The following DHRS7C variants were observed in gnomAD, a reference collection of about 807,000 sequenced individuals.
DHRS7C encodes the protein dehydrogenase/reductase SDR family member 7C.
Under a neutral mutation model 29.6 loss-of-function variants are expected in DHRS7C, and 28 were observed. The observed-to-expected ratio is 0.95, with a 90% CI of 0.70 to 1.30. DHRS7C has a LOEUF of 1.30. Ranked by LOEUF, DHRS7C falls within the 50% of genes most tolerant of loss-of-function variation. DHRS7C has a pLI of 0.00. For synonymous variants in DHRS7C, 158 were observed against 160.2 expected (o/e 0.99, Z 0.10); for missense variants, 403 against 393.3 (o/e 1.02, Z -0.21).
chr17:9,780,657 T>C (rs1439532551), intron 2 of DHRS7C, among the ~76,000 whole-genome samples: 2 of 152,120 alleles, frequency 1.3e-5, no homozygotes, highest in African/African-American at 4.8e-5. Flanking sequence ...CAAAGACTAG[T>C]CCTGAGATAT....
rs1382123943 is a variant in DHRS7C at position 9,777,297 on chromosome 17, A to G, written c.479-12T>C. ...GTTGGGAAGCAGGGCTGGAAAACAC[A>G]GGACGATGCATCATGGTTAAAACTT... On this transcript the variant is annotated splice_polypyrimidine_tract_variant and intron_variant, in intron 3 of 5. Coordinates refer to ENST00000571134, the MANE Select transcript of DHRS7C (RefSeq NM_001105571.3). The G allele has an allele frequency of 1.2e-6, 2 of 1,609,966 alleles. No individual in the cohort carries two copies. The highest frequency in any genetic ancestry group is 8.5e-7 in the Non-Finnish European group (1 of 1,177,400).
chr17:9,789,864 G>A (rs895591683), intron 1 of DHRS7C, among the ~76,000 whole-genome samples: 4 of 152,292 alleles, frequency 2.6e-5, no homozygotes, highest in Non-Finnish European at 4.4e-5. Flanking sequence ...GCCCTGGCTT[G>A]CCCTTGAAGA....
At chr17:9,782,996 C>G (rs1316289403) in intron 1 of DHRS7C, 3 of 152,288 alleles carry the variant, frequency 2.0e-5, no homozygotes, top group Admixed American at 1.3e-4. Flanking sequence ...AAGTGGGCAT[C>G]ATGGACAGGG....
Position 9,771,634 on chromosome 17 carries a change from T to A in DHRS7C, c.790A>T (p.Thr264Ser). ...ACCTCTTGCTTCTTCCTCCGCACGG[T>A]GCGCATCACCTCCTCCGCCACCTCT... ...PVEVAEEVMR[T>S]VRRKKQEVFM... The change falls in exon 6 of 6, where the codon ACC (threonine) becomes TCC (serine). Residue 264 changes from threonine to serine, a missense_variant. Transcript: ENST00000571134. The A allele has an allele frequency of 6.9e-6, 11 of 1,595,020 alleles. No individual in the cohort carries two copies. Among genetic ancestry groups the A allele is most frequent in the Non-Finnish European group, 9.4e-6 (11 of 1,169,276 alleles).
intron 1 of DHRS7C, among the ~76,000 whole-genome samples, chr17:9,782,097 C>A (rs1338126169): frequency 1.3e-5 from 2 of 152,110 alleles, no homozygotes; most frequent in African/African-American, 4.8e-5. Flanking sequence ...CTGACTCACC[C>A]AATATAGCAT....
chr17:9,773,828 A>AC (rs2066346211), intron 4 of DHRS7C, among the ~76,000 whole-genome samples: 1 of 146,662 alleles, frequency 6.8e-6, no homozygotes, highest in South Asian at 2.1e-4. Flanking sequence ...AGTTTCAAGC[A>AC]GTTCTCCTGC....
chr17:9,785,594 C>G (rs1272824207), intron 1 of DHRS7C, among the ~76,000 whole-genome samples: 1 of 152,142 alleles, frequency 6.6e-6, no homozygotes, highest in Non-Finnish European at 1.5e-5. Flanking sequence ...AGTAGACTGC[C>G]CGGGAACCAG....
chr17:9,784,697 G>A (rs78741090), intron 1 of DHRS7C, among the ~76,000 whole-genome samples: 22,325 of 152,200 alleles, frequency 0.15, 1,802 homozygotes, highest in Non-Finnish European at 0.19. Context: ...ACTCACAAAA[G>A]AAGTATCAAG....
intron 1 of DHRS7C, among the ~76,000 whole-genome samples, chr17:9,790,142 G>A (rs1028431908): frequency 9.2e-5 from 14 of 152,136 alleles, no homozygotes; most frequent in Admixed American, 2.0e-4. Context: ...ACGTTCTCAC[G>A]ATGGCAGCAC....
chr17:9,781,408 G>A (rs911259889), intron 2 of DHRS7C, 74 bp downstream of exon 2: 4 of 1,418,690 alleles, frequency 2.8e-6, no homozygotes, highest in Middle Eastern at 1.8e-4. Flanking sequence ...CTTGGTCCAA[G>A]AGCTGGTCCT....
At chr17:9,790,332 AC>A (rs1466608570) in intron 1 of DHRS7C, among the ~76,000 whole-genome samples, 1 of 152,242 alleles carries the variant, frequency 6.6e-6, no homozygotes, top group Non-Finnish European at 1.5e-5. Flanking sequence ...ATAAAGTTGT[AC>A]TACCATTGTC....
At chr17:9,779,381 C>T (rs957325807) in intron 3 of DHRS7C, among the ~76,000 whole-genome samples, 2 of 152,096 alleles carry the variant, frequency 1.3e-5, no homozygotes, top group Non-Finnish European at 2.9e-5. Flanking sequence ...GGTGATAAGC[C>T]CTTTTTCTTC....
chr17:9,788,741 C>T (rs1461662530), intron 1 of DHRS7C, among the ~76,000 whole-genome samples: 1 of 152,220 alleles, frequency 6.6e-6, no homozygotes, highest in Non-Finnish European at 1.5e-5. Context: ...CTGCATCATC[C>T]ACTCAGTGCC....
At position 9,784,352 on chromosome 17, in the gene DHRS7C, G is replaced by A. The variant is rs2066410632; in HGVS notation, c.155-2758C>T. ...CCAGGCATGGTGGTGGGTGCCTGTA[G>A]TCCCAGCTACTTGTGAGGCTGAGGC... On this transcript the variant is annotated intron_variant, in intron 1 of 5. Transcript: ENST00000571134. Among the ~76,000 whole-genome samples, 3 of 152,072 alleles carry A rather than the reference G, an allele frequency of 2.0e-5. No individual in the cohort carries two copies. The South Asian group carries it at 6.2e-4, about 31-fold the overall frequency.
At chr17:9,773,181 G>A (rs1438983865) in intron 4 of DHRS7C, among the ~76,000 whole-genome samples, 1 of 152,106 alleles carries the variant, frequency 6.6e-6, no homozygotes, top group African/African-American at 2.4e-5. Context: ...GCCTCTCTGA[G>A]GCTCAGTTTT....
chr17:9,788,071 C>T (rs2066434097), intron 1 of DHRS7C, among the ~76,000 whole-genome samples: 1 of 152,098 alleles, frequency 6.6e-6, no homozygotes, highest in African/African-American at 2.4e-5. Flanking sequence ...AGTCTGATTT[C>T]AGAAATGTTT....
chr17:9,787,920 A>T (rs935074626), intron 1 of DHRS7C, among the ~76,000 whole-genome samples: 37 of 152,152 alleles, frequency 2.4e-4, no homozygotes, highest in Admixed American at 5.2e-4. Context: ...TATGTTGCCC[A>T]GGCTGGTCTC....
At chr17:9,780,444 T>G (rs1312243887) in intron 2 of DHRS7C, among the ~76,000 whole-genome samples, 1 of 151,998 alleles carries the variant, frequency 6.6e-6, no homozygotes, top group Non-Finnish European at 1.5e-5. Context: ...AAAAAAAATC[T>G]ATCACAGTAC....
intron 1 of DHRS7C, among the ~76,000 whole-genome samples, chr17:9,784,775 A>C (rs2066413591): frequency 6.6e-6 from 1 of 152,228 alleles, no homozygotes; most frequent in African/African-American, 2.4e-5. Flanking sequence ...ATTTTAATCT[A>C]TCAGATAATC....
Sources: allele counts gnomAD v4.1 joint callset (sites outside exome capture counted in the v4.1 genomes callset), GRCh38; gene constraint gnomAD v4.1.1; transcripts MANE v1.5; gene names NCBI Gene and HGNC (gene_info 2026-07-23, HGNC 2026-07-21).